Variants in FSTL5 observed in about 807,000 individuals in gnomAD.
FSTL5 encodes follistatin-related protein 5.
In FSTL5, 62 loss-of-function variants were observed where a neutral mutation model predicts 89.1. The ratio of observed to expected loss-of-function variants is 0.70; its 90% CI spans 0.57 to 0.86. FSTL5 has a LOEUF of 0.86. FSTL5 is among the 40% of genes least tolerant of loss of function. The pLI, the probability that FSTL5 is intolerant of heterozygous loss-of-function variation, is 0.00. For synonymous variants in FSTL5, 383 were observed against 346.2 expected, an observed-to-expected ratio of 1.11 and a Z score of -1.18; for missense variants, 1,057 against 1,001.6, an observed-to-expected ratio of 1.06 and a Z score of -0.75.
At chr4:162,124,722 CAG>C (rs1732004216) in intron 1 of FSTL5, among the ~76,000 whole-genome samples, 1 of 151,280 alleles carries the variant, frequency 6.6e-6, no homozygotes, top group Admixed American at 6.6e-5. Flanking sequence ...TTTTCTGAGA[CAG>C]AGTCTCGCTC....
intron 3 of FSTL5, among the ~76,000 whole-genome samples, chr4:161,966,985 G>C (rs542616329): frequency 6.6e-6 from 1 of 151,166 alleles, no homozygotes; most frequent in Non-Finnish European, 1.5e-5. Flanking sequence ...CATATTTTAC[G>C]CAAGATGGAC....
intron 4 of FSTL5, among the ~76,000 whole-genome samples, chr4:161,898,831 G>T (rs1660083245): frequency 6.6e-6 from 1 of 151,674 alleles, no homozygotes; most frequent in Non-Finnish European, 1.5e-5. Flanking sequence ...GGGTTTCACC[G>T]TGTTAGCCAG....
At chr4:161,465,270 T>C (rs1733713238) in intron 13 of FSTL5, among the ~76,000 whole-genome samples, 1 of 152,182 alleles carries the variant, frequency 6.6e-6, no homozygotes, top group Non-Finnish European at 1.5e-5. Context: ...TTGGGTTTCA[T>C]GTGCTCCACT....
intron 3 of FSTL5, among the ~76,000 whole-genome samples, chr4:162,029,906 CTTT>C (rs67266989): frequency 0.09 from 12,957 of 143,400 alleles, 718 homozygotes; most frequent in Non-Finnish European, 0.13. Context: ...AAATTATTTC[CTTT>C]TTTTTTTTTT....
intron 15 of FSTL5, among the ~76,000 whole-genome samples, chr4:161,453,622 G>T (rs1733247765): frequency 1.3e-5 from 2 of 151,948 alleles, no homozygotes; most frequent in East Asian, 3.9e-4. Context: ...TTTTGACAGG[G>T]TCTGGCTCTG....
chr4:161,978,883 G>T (rs564056108), intron 3 of FSTL5, among the ~76,000 whole-genome samples: 1 of 152,110 alleles, frequency 6.6e-6, no homozygotes, highest in South Asian at 2.1e-4. Flanking sequence ...CATAACATCA[G>T]GTTTTTAATC....
intron 1 of FSTL5, among the ~76,000 whole-genome samples, chr4:162,146,566 G>A (rs1030382117): frequency 2.0e-5 from 3 of 151,918 alleles, no homozygotes; most frequent in Non-Finnish European, 4.4e-5. Context: ...TCTCATGTTA[G>A]TATGACACAT....
intron 12 of FSTL5, among the ~76,000 whole-genome samples, chr4:161,486,165 A>AAAAAAT (rs201126683): frequency 2.7e-5 from 4 of 147,512 alleles, no homozygotes; most frequent in Non-Finnish European, 4.5e-5. Flanking sequence ...AAAAAAAAAA[A>AAAAAAT]GTAAATATCT....
chr4:161,524,398 T>C (rs1262336729), intron 10 of FSTL5, among the ~76,000 whole-genome samples: 1 of 152,094 alleles, frequency 6.6e-6, no homozygotes, highest in Non-Finnish European at 1.5e-5. Context: ...CATCTTCTCA[T>C]GACCTCCTGA....
intron 8 of FSTL5, among the ~76,000 whole-genome samples, chr4:161,584,678 C>T (rs1733546852): frequency 6.6e-6 from 1 of 151,978 alleles, no homozygotes; most frequent in East Asian, 1.9e-4. Flanking sequence ...GTTTTATTAC[C>T]AATACTTGGC....
At chr4:161,768,467 G>C (rs1044466972) in intron 5 of FSTL5, among the ~76,000 whole-genome samples, 1 of 151,930 alleles carries the variant, frequency 6.6e-6, no homozygotes, top group Non-Finnish European at 1.5e-5. Context: ...TTCGACTTGA[G>C]AGACAGACTT....
chr4:161,785,302 G>A (rs892117058), intron 4 of FSTL5, among the ~76,000 whole-genome samples: 1 of 152,122 alleles, frequency 6.6e-6, no homozygotes, highest in African/African-American at 2.4e-5. Flanking sequence ...ATTCTATCCA[G>A]GAGTCAGTCT....
intron 15 of FSTL5, among the ~76,000 whole-genome samples, chr4:161,399,786 T>C (rs1731125260): frequency 6.6e-6 from 1 of 152,106 alleles, no homozygotes; most frequent in African/African-American, 2.4e-5. Context: ...ATGAGGATAC[T>C]TGCAACACTT....
At chr4:161,601,444 AC>A (rs1311481073) in intron 7 of FSTL5, among the ~76,000 whole-genome samples, 6 of 151,920 alleles carry the variant, frequency 3.9e-5, no homozygotes. Context: ...AATTTAAAAA[AC>A]CCTTACCGAT....
At chr4:161,489,267 CA>C (rs1483551814) in intron 12 of FSTL5, among the ~76,000 whole-genome samples, 1 of 151,900 alleles carries the variant, frequency 6.6e-6, no homozygotes, top group African/African-American at 2.4e-5. Flanking sequence ...GGGGAAGGTC[CA>C]GGGGCCATTA....
chr4:161,395,701 A>G (rs1730973799), intron 15 of FSTL5, among the ~76,000 whole-genome samples: 1 of 152,130 alleles, frequency 6.6e-6, no homozygotes, highest in Non-Finnish European at 1.5e-5. Flanking sequence ...ATATTTATAC[A>G]TATTATACAG....
Position 161,564,630 on chromosome 4 carries a change from T to A in FSTL5, c.1016-21937A>T, listed in dbSNP as rs546712003. Among the ~76,000 whole-genome samples, 8 of 151,740 alleles carry A rather than the reference T, an allele frequency of 5.3e-5. No individual in the cohort carries two copies. In the East Asian group the frequency reaches 1.6e-3, roughly 29 times the overall value. ...ATATTCACTTTCAAAATGATACTTA[T>A]AATCTTTAATCTTTTATTAATACAT... On this transcript the variant is annotated intron_variant, in intron 8 of 15. Coordinates refer to ENST00000306100, the MANE Select transcript of FSTL5 (RefSeq NM_020116.5).
chr4:161,946,816 C>T (rs1242929545), intron 3 of FSTL5, among the ~76,000 whole-genome samples: 2 of 152,106 alleles, frequency 1.3e-5, no homozygotes, highest in African/African-American at 4.8e-5. Flanking sequence ...CACTGTCAAA[C>T]TGAAACTTTT....
chr4:161,822,235 GC>G (rs1730515631), intron 4 of FSTL5, among the ~76,000 whole-genome samples: 1 of 152,128 alleles, frequency 6.6e-6, no homozygotes, highest in African/African-American at 2.4e-5. Flanking sequence ...TGCTTTTCCA[GC>G]CAGAAACCTC....
Sources: gnomAD v4.1 joint callset for allele counts (sites outside exome capture counted in the v4.1 genomes callset) on GRCh38, gnomAD v4.1.1 for gene constraint, MANE v1.5 for transcripts, NCBI Gene and HGNC (gene_info 2026-07-23, HGNC 2026-07-21) for gene names.